RNF144A: variants seen among roughly 807,000 people sequenced by gnomAD.
The protein encoded by RNF144A is E3 ubiquitin-protein ligase RNF144A.
A neutral mutation model predicts 38.7 loss-of-function variants in RNF144A; 11 were observed. The observed-to-expected ratio is 0.28, with a 90% CI of 0.18 to 0.47. The LOEUF (loss-of-function observed/expected upper bound fraction) is 0.47, where lower values mean the gene tolerates loss of function less well. RNF144A is among the 20% of genes least tolerant of loss of function. The pLI is 0.99. For missense variants in RNF144A, 316 were observed against 377.2 expected (o/e 0.84, Z 1.34); for synonymous variants, 149 against 143.9 (o/e 1.04, Z -0.25).
At chr2:6,976,399 G>A (rs1009718234) in intron 2 of RNF144A, among the ~76,000 whole-genome samples, 7 of 151,786 alleles carry the variant, frequency 4.6e-5, no homozygotes, top group Admixed American at 4.6e-4. Flanking sequence ...ATTTTATCTC[G>A]TTCCTTGATC....
rs1204749911 is a variant in RNF144A, at chr2:6,962,490, GA to G, written c.-12+21345del. Among the ~76,000 whole-genome samples, 1 of 152,126 alleles carries G rather than the reference GA, an allele frequency of 6.6e-6. No individual in the cohort carries two copies. The highest frequency in any genetic ancestry group is 1.5e-5 in the Non-Finnish European group (1 of 68,008). On this transcript the variant is annotated intron_variant, in intron 2 of 8. Transcript: ENST00000320892. The surrounding 1 kb of genome is among the most constrained non-coding windows in gnomAD (Gnocchi z 4.1). ...GATTTTGGGAGGTTGCTTTTTGTTA[GA>G]AGGGAAGCTCTGCCGAGGACTCTTT... is the stretch of plus-strand genomic sequence containing the variant.
Position 7,020,708 on chromosome 2 carries a change from AAGGCATGGCTGTGGGCCAGGAGAAGC to A in RNF144A, c.509+36_509+61del, listed in dbSNP as rs750551882. ...ACCCTTTGTACACAAGCTGCCACCA[AAGGCATGGCTGTGGGCCAGGAGAAGC>A]AGGCATGCTTTCTTCCTAAAAGTGC... On this transcript the variant is annotated intron_variant, in intron 6 of 8. Coordinates refer to ENST00000320892, the MANE Select transcript of RNF144A (RefSeq NM_014746.6). The A allele has an allele frequency of 1.2e-5, 19 of 1,584,826 alleles. No individual in the cohort carries two copies. In the Admixed American group the frequency reaches 3.2e-4, roughly 26 times the overall value.
intron 6 of RNF144A, among the ~76,000 whole-genome samples, chr2:7,060,164 C>T (rs1481596870): frequency 6.6e-6 from 1 of 152,056 alleles, no homozygotes; most frequent in Non-Finnish European, 1.5e-5. Flanking sequence ...TCTTCATCTC[C>T]TCCTCTCACT....
intron 1 of RNF144A, among the ~76,000 whole-genome samples, chr2:6,939,194 C>T (rs78690997): frequency 0.023 from 3,456 of 152,326 alleles, 145 homozygotes; most frequent in African/African-American, 0.079. Flanking sequence ...ACTTTACATT[C>T]TCCCCAGCAA....
Position 7,000,441 on chromosome 2 carries a change from GT to G in RNF144A, c.135+3381del, listed in dbSNP as rs1670026269. Among the ~76,000 whole-genome samples, 3 of 152,218 alleles carry G rather than the reference GT, an allele frequency of 2.0e-5. No individual in the cohort carries two copies. In the South Asian group the frequency reaches 6.2e-4, roughly 31 times the overall value. The stretch of plus-strand genomic sequence containing the variant: ...GTTTTGTCAATCAGAGATGCAACCT[GT>G]GTGTAGAGTGACCTGGGAAATTCCT... On this transcript the variant is annotated intron_variant, in intron 3 of 8. Coordinates refer to ENST00000320892, the MANE Select transcript of RNF144A (RefSeq NM_014746.6).
At chr2:7,018,786 C>T (rs1264414276) in intron 5 of RNF144A, among the ~76,000 whole-genome samples, 1 of 152,178 alleles carries the variant, frequency 6.6e-6, no homozygotes, top group East Asian at 1.9e-4. Flanking sequence ...TAGAGTAGAG[C>T]ACCTGTTCCT....
chr2:7,040,008 A>G lies in RNF144A; in HGVS notation c.*248A>G. On this transcript the variant is annotated 3_prime_UTR_variant, in exon 9 of 9. Transcript: ENST00000320892. ...CCACAGATCAATCTCTGCAGATGACAGGGAGGTGCTGTGAGAAGTGCACCA... is the reference window on the plus strand; with the variant it reads ...CCACAGATCAATCTCTGCAGATGACGGGGAGGTGCTGTGAGAAGTGCACCA... 5 of 1,243,478 alleles carry G rather than the reference A, an allele frequency of 4.0e-6. No homozygotes were observed. Among genetic ancestry groups the G allele is most frequent in the South Asian group, 2.2e-5 (1 of 46,134 alleles). 77.0% of individuals were successfully genotyped at this position (1,243,478 alleles called of 1,614,324 possible). A position where few individuals can be genotyped will look rare whatever the true frequency, so the allele number is the denominator to read the frequency against.
the RNF144A span, among the ~76,000 whole-genome samples, chr2:7,075,392 T>A: frequency 6.6e-6 from 1 of 152,056 alleles, no homozygotes; most frequent in African/African-American, 2.4e-5. Context: ...GACACAGTGC[T>A]ATGGATTGAA....
chr2:7,043,830 T>C lies in RNF144A; in HGVS notation c.*4070T>C. ...GCCTGCCCTTTCTTTCCTTCTTTGCTCACTTTACTATGGGTGTATTTTAAT... is the reference window on the plus strand; with the variant it reads ...GCCTGCCCTTTCTTTCCTTCTTTGCCCACTTTACTATGGGTGTATTTTAAT... On this transcript the variant is annotated 3_prime_UTR_variant, in exon 9 of 9. Coordinates refer to ENST00000320892, the MANE Select transcript of RNF144A (RefSeq NM_014746.6). 3 of 985,882 alleles carry C rather than the reference T, an allele frequency of 3.0e-6. No individual in the cohort carries two copies. The highest frequency in any genetic ancestry group is 3.6e-6 in the Non-Finnish European group (3 of 829,932). The allele number at this position is 985,882 out of a possible 1,614,324, so 61.1% of individuals were successfully genotyped here. A position where few individuals can be genotyped will look rare whatever the true frequency, so the allele number is the denominator to read the frequency against.
chr2:7,017,129 G>A (rs1012921532), intron 5 of RNF144A, among the ~76,000 whole-genome samples: 4 of 152,180 alleles, frequency 2.6e-5, no homozygotes, highest in East Asian at 3.9e-4. Context: ...TACACTCGAC[G>A]CCCGTGGCCC....
At chr2:7,052,000 ACTC>A (rs1673545925) in intron 6 of RNF144A, among the ~76,000 whole-genome samples, 1 of 151,614 alleles carries the variant, frequency 6.6e-6, no homozygotes, top group African/African-American at 2.4e-5. Context: ...CACTCATATT[ACTC>A]CTCCCTTAGT....
intron 2 of RNF144A, among the ~76,000 whole-genome samples, chr2:6,980,652 C>T (rs961623909): frequency 2.0e-5 from 3 of 152,206 alleles, no homozygotes; most frequent in South Asian, 2.1e-4. Context: ...TGGCATTGAG[C>T]GCCTGCAGCT....
chr2:7,040,906 T>C lies in RNF144A; in HGVS notation c.*1146T>C. ...AAAAGAACCTCCCATTTCACTTCGT[T>C]TTAACGTGGGGATTTTACCACTTGA... On this transcript the variant is annotated 3_prime_UTR_variant, in exon 9 of 9. Coordinates refer to ENST00000320892, the MANE Select transcript of RNF144A (RefSeq NM_014746.6). 1 of 985,478 alleles carries C rather than the reference T, an allele frequency of 1.0e-6. No homozygotes were observed. Among genetic ancestry groups the C allele is most frequent in the Non-Finnish European group, 1.2e-6 (1 of 829,950 alleles). 61.0% of individuals were successfully genotyped at this position (985,478 alleles called of 1,614,324 possible). A position where few individuals can be genotyped will look rare whatever the true frequency, so the allele number is the denominator to read the frequency against.
At chr2:6,993,261 C>T (rs1357744376) in intron 2 of RNF144A, among the ~76,000 whole-genome samples, 1 of 152,090 alleles carries the variant, frequency 6.6e-6, no homozygotes, top group African/African-American at 2.4e-5. Flanking sequence ...GGTGCTGTGA[C>T]CTGCTTCAAA....
At chr2:7,025,669 C>G (rs928010029) in intron 7 of RNF144A, among the ~76,000 whole-genome samples, 1 of 151,992 alleles carries the variant, frequency 6.6e-6, no homozygotes, top group Non-Finnish European at 1.5e-5. Flanking sequence ...GAGACTCCAT[C>G]TCAAAAAATA....
intron 2 of RNF144A, among the ~76,000 whole-genome samples, chr2:6,947,452 G>C (rs1480665691): frequency 1.3e-5 from 2 of 152,044 alleles, no homozygotes; most frequent in Non-Finnish European, 2.9e-5. Context: ...TATGTCAGGA[G>C]AATAACAATG....
chr2:6,964,826 C>T (rs1487642521), intron 2 of RNF144A, among the ~76,000 whole-genome samples: 4 of 114,360 alleles, frequency 3.5e-5, no homozygotes, highest in Admixed American at 1.0e-4. Context: ...GTTGTGGGGT[C>T]GGGGAGGGGG....
In RNF144A at chr2:6,998,251, A is replaced by G. The variant is rs143391748; in HGVS notation, c.135+1190A>G. Among the ~76,000 whole-genome samples, 28 of 152,020 alleles carry G rather than the reference A, an allele frequency of 1.8e-4. No homozygotes were observed. The East Asian group carries it at 5.4e-3, about 29-fold the overall frequency. On this transcript the variant is annotated intron_variant, in intron 3 of 8. Transcript: ENST00000320892. ...GACGGCTTCCCTGTGGGTTTTTCGA[A>G]TGCCTGGATTATAATCTGTCACTCG...
intron 2 of RNF144A, among the ~76,000 whole-genome samples, chr2:6,989,768 G>A (rs934005554): frequency 1.3e-5 from 2 of 151,746 alleles, no homozygotes; most frequent in African/African-American, 4.9e-5. Flanking sequence ...TCTCCCAGCC[G>A]CCCCCCTCCA....
Sources: gnomAD v4.1 joint callset for allele counts (sites outside exome capture counted in the v4.1 genomes callset) on GRCh38, gnomAD v4.1.1 for gene constraint, Gnocchi (gnomAD v3.1) non-coding constraint, MANE v1.5 for transcripts, NCBI Gene and HGNC (gene_info 2026-07-23, HGNC 2026-07-21) for gene names.